The following ALK variants were observed in gnomAD, a reference collection of about 807,000 sequenced individuals.
ALK encodes the protein ALK receptor tyrosine kinase.
In ALK, 74 loss-of-function variants were observed where a neutral mutation model predicts 163.1. The ratio of observed to expected loss-of-function variants is 0.45; its 90% confidence interval spans 0.38 to 0.55. The LOEUF (loss-of-function observed/expected upper bound fraction) is 0.55. Among genes scored for constraint, ALK ranks in the 20% least tolerant of loss-of-function variants. ALK has a pLI of 0.00. For synonymous variants in ALK, 960 were observed against 843.2 expected, an observed-to-expected ratio of 1.14 and a Z score of -2.40; for missense variants, 2,063 against 2,105.3, an observed-to-expected ratio of 0.98 and a Z score of 0.39.
Position 29,846,951 on chromosome 2 carries a change from C to G in ALK, c.667+73042G>C, listed in dbSNP as rs78951417. On this transcript the variant is annotated intron_variant, in intron 1 of 28. Coordinates refer to ENST00000389048, the MANE Select transcript of ALK (RefSeq NM_004304.5). ...ATCTGTCTGACTCCAGAACTAGAAT[C>G]TTGCTGAGCTATAGAATTTGTAAAC... Among the ~76,000 whole-genome samples, 59 of 152,304 alleles carry G rather than the reference C, an allele frequency of 3.9e-4. No homozygotes were observed. The East Asian group carries it at 0.011, about 27-fold the overall frequency.
chr2:29,368,868 C>A (rs958814220), intron 5 of ALK, among the ~76,000 whole-genome samples: 2 of 152,062 alleles, frequency 1.3e-5, no homozygotes, highest in African/African-American at 4.8e-5. Flanking sequence ...AAAGCCTAGT[C>A]AAAACTCTGG....
At chr2:29,231,208 T>G (rs1664195545) in intron 15 of ALK, among the ~76,000 whole-genome samples, 1 of 152,022 alleles carries the variant, frequency 6.6e-6, no homozygotes, top group Non-Finnish European at 1.5e-5. Flanking sequence ...CGTGGTGGCG[T>G]GTGCCTGTAA....
intron 4 of ALK, among the ~76,000 whole-genome samples, chr2:29,489,453 C>A (rs145675109): frequency 1.3e-5 from 2 of 152,230 alleles, no homozygotes; most frequent in African/African-American, 4.8e-5. Context: ...GTGCACACCA[C>A]CTTGCCCAAC....
intron 1 of ALK, among the ~76,000 whole-genome samples, chr2:29,839,134 G>A (rs1452911668): frequency 1.3e-5 from 2 of 151,956 alleles, no homozygotes; most frequent in Non-Finnish European, 2.9e-5. Context: ...TCTTAAATTG[G>A]TCCCATTGAA....
At chr2:29,592,211 C>G (rs1344157525) in intron 3 of ALK, among the ~76,000 whole-genome samples, 1 of 152,130 alleles carries the variant, frequency 6.6e-6, no homozygotes, top group Non-Finnish European at 1.5e-5. Context: ...CTCTCATATT[C>G]CTCTTAATCC....
intron 11 of ALK, among the ~76,000 whole-genome samples, chr2:29,261,989 T>C (rs1222815606): frequency 6.6e-6 from 1 of 152,236 alleles, no homozygotes; most frequent in African/African-American, 2.4e-5. Flanking sequence ...TAACTTCAGA[T>C]AAAAGGATGG....
At chr2:29,507,514 G>T (rs1672368123) in intron 4 of ALK, among the ~76,000 whole-genome samples, 1 of 152,142 alleles carries the variant, frequency 6.6e-6, no homozygotes. Flanking sequence ...ATTTAAAGAT[G>T]ATTAAGATGG....
chr2:29,586,094 T>C (rs1457472692), intron 3 of ALK, among the ~76,000 whole-genome samples: 1 of 152,180 alleles, frequency 6.6e-6, no homozygotes, highest in Admixed American at 6.5e-5. Context: ...CGCCATTTTG[T>C]AGTAGAGAAT....
At chr2:29,533,517 A>T (rs1214402077) in intron 3 of ALK, among the ~76,000 whole-genome samples, 2 of 147,176 alleles carry the variant, frequency 1.4e-5, no homozygotes, top group Non-Finnish European at 3.1e-5. Context: ...TCACTGGCCC[A>T]CTGTGTACTT....
intron 1 of ALK, among the ~76,000 whole-genome samples, chr2:29,749,116 T>G (rs909681399): frequency 6.6e-6 from 1 of 152,154 alleles, no homozygotes; most frequent in African/African-American, 2.4e-5. Flanking sequence ...CTTAGGACAG[T>G]GACTGTCAAA....
chr2:29,370,703 T>C (rs941215028), intron 5 of ALK, among the ~76,000 whole-genome samples: 2 of 152,294 alleles, frequency 1.3e-5, no homozygotes, highest in East Asian at 3.9e-4. Flanking sequence ...TGGCTGGCCC[T>C]TCCTGTTAAT....
intron 4 of ALK, among the ~76,000 whole-genome samples, chr2:29,502,587 C>G (rs866345733): frequency 5.3e-5 from 8 of 152,056 alleles, no homozygotes; most frequent in Non-Finnish European, 1.0e-4. Flanking sequence ...TTCTTTTTAT[C>G]AAGGGCTTGG....
At chr2:29,865,585 T>C (rs1666413685) in intron 1 of ALK, among the ~76,000 whole-genome samples, 1 of 152,132 alleles carries the variant, frequency 6.6e-6, no homozygotes, top group South Asian at 2.1e-4. Context: ...GCCCCCAAAG[T>C]CTAGGGTGAA....
chr2:29,750,681 AAGGAAGGAAGGAAGGAAGGC>A (rs1362084971), intron 1 of ALK, among the ~76,000 whole-genome samples: 21 of 128,628 alleles, frequency 1.6e-4, no homozygotes, highest in African/African-American at 7.1e-4. Context: ...GGAAGGAAGG[AAGGAAGGAAGGAAGGAAGGC>A]AGGCAGGCAG....
At chr2:29,888,596 C>T (rs1667054118) in intron 1 of ALK, among the ~76,000 whole-genome samples, 1 of 152,134 alleles carries the variant, frequency 6.6e-6, no homozygotes, top group Admixed American at 6.5e-5. Flanking sequence ...TTGAAATGCA[C>T]GCTCCAGCTT....
Position 29,904,937 on chromosome 2 carries a change from C to T in ALK, c.667+15056G>A, listed in dbSNP as rs1483258065. 3.9e-5 allele frequency among the ~76,000 whole-genome samples: 6 copies of T among 152,218 alleles called. No individual in the cohort carries two copies. In the East Asian group the frequency reaches 1.2e-3, roughly 29 times the overall value. ...TACACTTCTATCAGGATTTACAGAG[C>T]TGAAGCAAGATAATTCTCCCTCCTT... On this transcript the variant is annotated intron_variant, in intron 1 of 28. Coordinates refer to ENST00000389048, the MANE Select transcript of ALK (RefSeq NM_004304.5).
chr2:29,555,851 G>T (rs1285753872), intron 3 of ALK, among the ~76,000 whole-genome samples: 1 of 152,140 alleles, frequency 6.6e-6, no homozygotes, highest in Non-Finnish European at 1.5e-5. Context: ...AGTTGTTTAG[G>T]ACTAAAGAAA....
intron 26 of ALK, among the ~76,000 whole-genome samples, chr2:29,197,984 T>A (rs1464857273): frequency 3.3e-5 from 5 of 152,194 alleles, no homozygotes; most frequent in Non-Finnish European, 2.9e-5. Flanking sequence ...CATTATATCA[T>A]AAACATTTTC....
intron 5 of ALK, among the ~76,000 whole-genome samples, chr2:29,360,358 C>G (rs184597588): frequency 2.4e-4 from 36 of 152,302 alleles, no homozygotes; most frequent in South Asian, 4.2e-4. Flanking sequence ...GGATAATGCA[C>G]TGCTGTCCTG....
Sources: allele counts gnomAD v4.1 joint callset (sites outside exome capture counted in the v4.1 genomes callset), GRCh38; gene constraint gnomAD v4.1.1; transcripts MANE v1.5; gene names NCBI Gene and HGNC (gene_info 2026-07-23, HGNC 2026-07-21).